CLIC2: variants seen among roughly 807,000 people sequenced by gnomAD.
CLIC2 encodes chloride intracellular channel protein 2.
CLIC2 carries 9 observed loss-of-function variants against 14.8 expected under a neutral mutation model. The observed-to-expected ratio is 0.61, with a 90% CI of 0.37 to 1.06. CLIC2 has a LOEUF of 1.06. Ranked by LOEUF, CLIC2 falls within the 50% of genes least tolerant of loss-of-function variation. CLIC2 has a pLI of 0.01. For missense variants in CLIC2, 148 were observed against 181.4 expected (o/e 0.82, Z 1.06); for synonymous variants, 61 against 66.3 (o/e 0.92, Z 0.39).
At chrX:155,333,846 A>G (rs782622225) in intron 1 of CLIC2, among the ~76,000 whole-genome samples, 1 of 109,964 alleles carries the variant, frequency 9.1e-6, no homozygotes, top group Non-Finnish European at 1.9e-5. Flanking sequence ...CCCAGTGTCC[A>G]TGTGACCCTG....
intron 3 of CLIC2, among the ~76,000 whole-genome samples, chrX:155,288,871 G>A (rs2074952379): frequency 9.0e-6 from 1 of 111,144 alleles, no homozygotes; most frequent in South Asian, 3.8e-4. Context: ...TTGGCCGGGC[G>A]CAGTGGCTCA....
intron 1 of CLIC2, among the ~76,000 whole-genome samples, chrX:155,316,286 A>T (rs988770944): frequency 1.8e-4 from 20 of 112,225 alleles, no homozygotes; most frequent in African/African-American, 6.5e-4. Context: ...TTTACAGAAC[A>T]TTCTTCCCAA....
chrX:155,318,561 A>G (rs2075102626), intron 1 of CLIC2, among the ~76,000 whole-genome samples: 2 of 112,294 alleles, frequency 1.8e-5, no homozygotes, highest in Non-Finnish European at 3.8e-5. Flanking sequence ...AAGAAATCAT[A>G]GATGACACAA....
intron 3 of CLIC2, chrX:155,292,860 G>A: frequency 1.0e-6 from 1 of 1,004,655 alleles, no homozygotes; most frequent in Non-Finnish European, 1.4e-6. Context: ...AGAAAGAAGA[G>A]CTTATTTTGA....
At chrX:155,296,236 A>G (rs1602938531) in intron 3 of CLIC2, among the ~76,000 whole-genome samples, 1 of 111,944 alleles carries the variant, frequency 8.9e-6, no homozygotes, top group African/African-American at 3.2e-5. Flanking sequence ...CTGATCTTTG[A>G]CAAAGTTCAC....
chrX:155,289,168 C>T (rs781942805), intron 3 of CLIC2, among the ~76,000 whole-genome samples: 108 of 110,792 alleles, frequency 9.7e-4, no homozygotes, highest in Non-Finnish European at 1.6e-3. Context: ...ATGAGTGTTT[C>T]ACCCTATGAA....
intron 3 of CLIC2, 68 bp downstream of exon 3, chrX:155,298,717 A>G: frequency 8.7e-7 from 1 of 1,150,925 alleles, no homozygotes; most frequent in Non-Finnish European, 1.2e-6. Flanking sequence ...TAAGAATACT[A>G]AATCTGCAAT....
chrX:155,294,330 G>A (rs1557318122), intron 3 of CLIC2, among the ~76,000 whole-genome samples: 1 of 111,015 alleles, frequency 9.0e-6, no homozygotes, highest in African/African-American at 3.3e-5. Flanking sequence ...AAGAATTTAA[G>A]AAGAAAAAAA....
chrX:155,332,551 A>G (rs1265422097), intron 1 of CLIC2, among the ~76,000 whole-genome samples: 4 of 112,055 alleles, frequency 3.6e-5, no homozygotes, highest in African/African-American at 1.3e-4. Flanking sequence ...TTAAAGGAAT[A>G]GAATTCTAAC....
chrX:155,314,037 C>T (rs1557320873), intron 1 of CLIC2, among the ~76,000 whole-genome samples: 1 of 111,326 alleles, frequency 9.0e-6, no homozygotes, highest in East Asian at 2.8e-4. Context: ...CAGCAAGCTA[C>T]ACTCAAGGAG....
In CLIC2 at chrX:155,319,209, T is replaced by C. The variant is rs142276453; in HGVS notation, c.57+15162A>G. Among the ~76,000 whole-genome samples, 836 of 111,312 alleles carry C rather than the reference T, an allele frequency of 7.5e-3. 6 individuals are homozygous for C. Among genetic ancestry groups the C allele is most frequent in the African/African-American group, 0.026 (788 of 30,638 alleles). On this transcript the variant is annotated intron_variant, in intron 1 of 5. Transcript: ENST00000369449. ...TGCAATACAAACAAAGCTAAATAGA[T>C]GGGAATTAATTAAATGAAAAAGCTT...
intron 1 of CLIC2, among the ~76,000 whole-genome samples, chrX:155,305,165 G>T (rs1438971240): frequency 3.6e-5 from 4 of 112,045 alleles, no homozygotes; most frequent in African/African-American, 1.3e-4. Flanking sequence ...AATGGCGGGC[G>T]CCCCTCCCCC....
At chrX:155,316,749 A>G (rs782001625) in intron 1 of CLIC2, among the ~76,000 whole-genome samples, 44 of 110,862 alleles carry the variant, frequency 4.0e-4, no homozygotes, top group Non-Finnish European at 5.3e-4. Flanking sequence ...GAGCAAGGAG[A>G]ACCAGGCCAA....
intron 1 of CLIC2, among the ~76,000 whole-genome samples, chrX:155,325,692 C>A (rs1417809961): frequency 2.0e-5 from 2 of 97,960 alleles, no homozygotes; most frequent in African/African-American, 7.5e-5. Flanking sequence ...CACATGTATA[C>A]CTATGTAACA....
chrX:155,319,074 G>T (rs929243612), intron 1 of CLIC2, among the ~76,000 whole-genome samples: 1 of 112,048 alleles, frequency 8.9e-6, no homozygotes, highest in Non-Finnish European at 1.9e-5. Context: ...ATGAATCAAA[G>T]ACTTAAATCT....
chrX:155,322,081 A>G (rs1337849213), intron 1 of CLIC2, among the ~76,000 whole-genome samples: 2 of 111,291 alleles, frequency 1.8e-5, no homozygotes, highest in Non-Finnish European at 3.8e-5. Flanking sequence ...GAGACCTACA[A>G]AGAGACTTAG....
chrX:155,307,627 G>A (rs1342481839), intron 1 of CLIC2, among the ~76,000 whole-genome samples: 1 of 112,119 alleles, frequency 8.9e-6, no homozygotes, highest in Non-Finnish European at 1.9e-5. Context: ...GCTCATGCCT[G>A]TAATCCTAGC....
chrX:155,281,562 A>G (rs1014752696), intron 3 of CLIC2, among the ~76,000 whole-genome samples: 1 of 110,948 alleles, frequency 9.0e-6, no homozygotes, highest in Non-Finnish European at 1.9e-5. Flanking sequence ...AAACTTAGGT[A>G]TCTTCCTTGA....
In CLIC2 at chrX:155,299,022, C is replaced by T. The variant is rs1557318695; in HGVS notation, c.167+14G>A. ...CTCAATTCCTAGAATTTAACATGTC[C>T]TGATTTCTCTTACCTGGTCATGTCA... On this transcript the variant is annotated intron_variant, in intron 2 of 5. Transcript: ENST00000369449. 8.4e-7 allele frequency: 1 copy of T among 1,186,657 alleles called. No homozygotes were observed. The highest frequency in any genetic ancestry group is 2.2e-5 in the Admixed American group (1 of 45,946).
Sources: gnomAD v4.1 joint callset for allele counts (sites outside exome capture counted in the v4.1 genomes callset) on GRCh38, gnomAD v4.1.1 for gene constraint, MANE v1.5 for transcripts, NCBI Gene and HGNC (gene_info 2026-07-23, HGNC 2026-07-21) for gene names.